ATP8B1: variants seen among roughly 807,000 people sequenced by gnomAD.
The protein encoded by ATP8B1 is phospholipid-transporting ATPase IC.
In ATP8B1, 80 loss-of-function variants were observed where a neutral mutation model predicts 149.9. The ratio of observed to expected loss-of-function variants is 0.53; its 90% CI spans 0.45 to 0.64. The LOEUF (loss-of-function observed/expected upper bound fraction) is 0.64, where lower values mean the gene tolerates loss of function less well. ATP8B1 is among the 30% of genes least tolerant of loss of function. The probability of loss-of-function intolerance (pLI) is 0.00; values close to 1 mark genes in which losing one functional copy is unlikely to be tolerated. For missense variants in ATP8B1, 1,247 were observed against 1,552.6 expected (o/e 0.80, Z 3.31); for synonymous variants, 536 against 562.8 (o/e 0.95, Z 0.67).
intron 1 of ATP8B1, among the ~76,000 whole-genome samples, chr18:57,758,520 T>C (rs962496777): frequency 6.6e-6 from 1 of 151,600 alleles, no homozygotes; most frequent in African/African-American, 2.4e-5. Context: ...CAGTGGTGCA[T>C]GCCTGTAATC....
At chr18:57,801,782 A>G (rs1156431851) in intron 1 of ATP8B1, 1 of 152,150 alleles carries the variant, frequency 6.6e-6, no homozygotes, top group Non-Finnish European at 1.5e-5. Context: ...AACCAGGAAG[A>G]TGGGAGCGAA....
Position 57,691,980 on chromosome 18 carries a change from A to G in ATP8B1, c.1047T>C (p.Ile349=). 2 of 1,613,684 alleles carry G rather than the reference A, an allele frequency of 1.2e-6. No individual in the cohort carries two copies. Among genetic ancestry groups the G allele is most frequent in the Non-Finnish European group, 1.7e-6 (2 of 1,179,832 alleles). The change falls in exon 12 of 28, where the codon ATT becomes ATC. Residue 349 remains isoleucine (I), a synonymous_variant. Transcript: ENST00000648908. ...CGATGGCAAGACCAGCAGAAAGCAG[A>G]ATAAGAACAACAAAGATCTAGAAGA... The part of the protein sequence containing the change: ...YMVYTIFVVL[I]LLSAGLAIGH...
intron 1 of ATP8B1, among the ~76,000 whole-genome samples, chr18:57,743,618 A>G (rs1356720218): frequency 1.3e-5 from 2 of 152,118 alleles, no homozygotes; most frequent in African/African-American, 4.8e-5. Flanking sequence ...TTAAGGAACT[A>G]AAAAAACCTC....
chr18:57,686,668 G>A (rs141875734), intron 13 of ATP8B1, among the ~76,000 whole-genome samples: 60 of 152,210 alleles, frequency 3.9e-4, no homozygotes, highest in African/African-American at 1.3e-3. Context: ...ATCCACCCAC[G>A]TAGGCCTCCC....
chr18:57,683,522 C>T (rs2122815031), intron 15 of ATP8B1, among the ~76,000 whole-genome samples: 1 of 152,284 alleles, frequency 6.6e-6, no homozygotes, highest in East Asian at 1.9e-4. Flanking sequence ...ATTAATTATG[C>T]TCCTTTAAAT....
At chr18:57,759,784 A>C (rs1041943100) in intron 1 of ATP8B1, among the ~76,000 whole-genome samples, 4 of 150,374 alleles carry the variant, frequency 2.7e-5, no homozygotes, top group African/African-American at 9.8e-5. Flanking sequence ...GCGCCACTGC[A>C]CTCCAGCCTG....
At chr18:57,776,261 C>T (rs753775677) in intron 1 of ATP8B1, among the ~76,000 whole-genome samples, 1 of 152,254 alleles carries the variant, frequency 6.6e-6, no homozygotes, top group Non-Finnish European at 1.5e-5. Flanking sequence ...TTCTGTCCAA[C>T]GACCCTTTGC....
At position 57,761,010 on chromosome 18, in the gene ATP8B1, A is replaced by C. The variant is rs892054821; in HGVS notation, c.-25-29178T>G. On this transcript the variant is annotated intron_variant, in intron 1 of 27. Coordinates refer to ENST00000648908, the MANE Select transcript of ATP8B1 (RefSeq NM_001374385.1). ...TCTCAAATAAAATAAAATAAAATAA[A>C]ATAACATAAAATAACATAAAATAAA... Among the ~76,000 whole-genome samples the C allele has an allele frequency of 2.0e-3, 247 of 125,248 alleles. 2 individuals carry two copies. Among genetic ancestry groups the C allele is most frequent in the African/African-American group, 7.8e-3 (237 of 30,482 alleles). The allele number at this position is 125,248 out of a possible 152,430, so 82.2% of individuals were successfully genotyped here. A position where few individuals can be genotyped will look rare whatever the true frequency, so the allele number is the denominator to read the frequency against.
chr18:57,782,801 C>CTATTTTTT (rs1337164844), intron 1 of ATP8B1, among the ~76,000 whole-genome samples: 1 of 63,028 alleles, frequency 1.6e-5, no homozygotes, highest in East Asian at 1.1e-3. Flanking sequence ...TCTAGTTTGT[C>CTATTTTTT]TCTTTTTTTT....
At chr18:57,651,002 G>A (rs1414839888) in intron 26 of ATP8B1, among the ~76,000 whole-genome samples, 2 of 151,920 alleles carry the variant, frequency 1.3e-5, no homozygotes, top group Non-Finnish European at 2.9e-5. Context: ...AAATTGGGAA[G>A]GTAAATTATT....
At chr18:57,730,247 G>C (rs986545447) in intron 2 of ATP8B1, among the ~76,000 whole-genome samples, 1 of 148,906 alleles carries the variant, frequency 6.7e-6, no homozygotes, top group Non-Finnish European at 1.5e-5. Flanking sequence ...GGGGGGGTTT[G>C]GCATGGGGGA....
At chr18:57,680,335 A>G in intron 15 of ATP8B1, among the ~76,000 whole-genome samples, 1 of 145,506 alleles carries the variant, frequency 6.9e-6, no homozygotes, top group Admixed American at 7.1e-5. Context: ...CTGTAATCCC[A>G]GCACCTTTGG....
At chr18:57,763,559 A>G (rs1257146087) in intron 1 of ATP8B1, among the ~76,000 whole-genome samples, 1 of 152,172 alleles carries the variant, frequency 6.6e-6, no homozygotes, top group Non-Finnish European at 1.5e-5. Context: ...TACTAGAATC[A>G]ATTCTATTGA....
chr18:57,699,735 A>C (rs1270690146), intron 6 of ATP8B1, among the ~76,000 whole-genome samples: 2 of 151,648 alleles, frequency 1.3e-5, no homozygotes, highest in Non-Finnish European at 2.9e-5. Flanking sequence ...AAATAAAAAA[A>C]AAGACAGGAG....
chr18:57,713,125 T>C (rs955168606), intron 2 of ATP8B1, among the ~76,000 whole-genome samples: 10 of 151,892 alleles, frequency 6.6e-5, no homozygotes, highest in African/African-American at 2.2e-4. Context: ...AGAAGGAAAA[T>C]TAAAGGGTGC....
intron 1 of ATP8B1, among the ~76,000 whole-genome samples, chr18:57,759,943 C>T (rs1375865104): frequency 6.6e-6 from 1 of 152,126 alleles, no homozygotes; most frequent in African/African-American, 2.4e-5. Flanking sequence ...CTGGCAATTG[C>T]TACCACCCTC....
chr18:57,675,022 C>T lies in ATP8B1; in HGVS notation c.1631G>A (p.Gly544Asp). 6.2e-7 allele frequency: 1 copy of T among 1,613,942 alleles called. No homozygotes were observed. Among genetic ancestry groups the T allele is most frequent in the Non-Finnish European group, 8.5e-7 (1 of 1,179,956 alleles). Residue 544 changes from glycine to aspartate, a missense_variant and splice_region_variant, in exon 16 of 28, where the codon GGT (glycine) becomes GAT (aspartate). Transcript: ENST00000648908. The stretch of plus-strand genomic sequence containing the variant: ...AGAGGCTGCCTGGTAGTTGAGCTGA[C>T]CTAACAAGGAAGCGAGAGAAATCCC... The part of the protein sequence containing the change: ...CHTVMVDRTD[G>D]QLNYQAASPD...
Position 57,802,807 on chromosome 18 carries a change from C to G in ATP8B1, c.-26+191G>C, listed in dbSNP as rs1200590169. ...GGCCGTGTCTCGCCGTCCCCGAGGC[C>G]TCGGGGGCTCCCAGCACCTCCACCC... On this transcript the variant is annotated intron_variant, in intron 1 of 27. Coordinates refer to ENST00000648908, the MANE Select transcript of ATP8B1 (RefSeq NM_001374385.1). This position sits in a 1 kb window ranked among gnomAD's most constrained non-coding sequence, Gnocchi z 4.9. Among the ~76,000 whole-genome samples, 1 of 152,218 alleles carries G rather than the reference C, an allele frequency of 6.6e-6. No individual in the cohort carries two copies. Among genetic ancestry groups the G allele is most frequent in the African/African-American group, 2.4e-5 (1 of 41,466 alleles).
At chr18:57,696,673 G>A (rs1050253108) in intron 8 of ATP8B1, among the ~76,000 whole-genome samples, 1 of 152,090 alleles carries the variant, frequency 6.6e-6, no homozygotes, top group Non-Finnish European at 1.5e-5. Context: ...CATCTGGAGC[G>A]TGAGGCGCGA....
Sources: gnomAD v4.1 joint callset for allele counts (sites outside exome capture counted in the v4.1 genomes callset) on GRCh38, gnomAD v4.1.1 for gene constraint, Gnocchi (gnomAD v3.1) non-coding constraint, MANE v1.5 for transcripts, NCBI Gene and HGNC (gene_info 2026-07-23, HGNC 2026-07-21) for gene names.